The following ZNF629 variants were observed in gnomAD, a reference collection of about 807,000 sequenced individuals.
ZNF629 encodes DNA-binding protein.
ZNF629 carries 9 observed loss-of-function variants against 59.7 expected under a neutral mutation model. That is an observed-to-expected ratio of 0.15 (90% CI 0.09 to 0.26). The LOEUF (loss-of-function observed/expected upper bound fraction) is 0.26. ZNF629 is among the 10% of genes least tolerant of loss of function. The pLI is 1.00. For synonymous variants in ZNF629, 509 were observed against 498.9 expected (o/e 1.02, Z -0.27); for missense variants, 853 against 1,165.4 (o/e 0.73, Z 3.90).
At chr16:30,785,943 G>T (rs2054328254) in intron 1 of ZNF629, among the ~76,000 whole-genome samples, 1 of 152,074 alleles carries the variant, frequency 6.6e-6, no homozygotes, top group African/African-American at 2.4e-5. Context: ...CAGGATGAGG[G>T]AATGGGGCCA....
chr16:30,784,825 A>G (rs1047384611), intron 1 of ZNF629, among the ~76,000 whole-genome samples: 1 of 152,134 alleles, frequency 6.6e-6, no homozygotes, highest in Admixed American at 6.6e-5. Flanking sequence ...TCCACAGGGG[A>G]AGGAGTTTTT....
rs372950541 is a variant in ZNF629, at chr16:30,784,438, C to T, written c.45G>A (p.Pro15=). ...TGTGAGCATCGTTGGGGCTCTGTTC[C>T]GGACCCTGCAGATCCGGGCCCCACA... ...TALWGPDLQG[P]EQSPNDAHRG... The change falls in exon 2 of 3, where the codon CCG becomes CCA. Residue 15 remains proline, a synonymous_variant. Transcript: ENST00000262525. 3.2e-6 allele frequency: 5 copies of T among 1,567,162 alleles called. No individual in the cohort carries two copies. Among genetic ancestry groups the T allele is most frequent in the Non-Finnish European group, 3.5e-6 (4 of 1,158,576 alleles).
chr16:30,784,536 G>C, intron 1 of ZNF629, 21 bp from the exon 2 acceptor site: 2 of 1,484,936 alleles, frequency 1.3e-6, no homozygotes, highest in African/African-American at 1.4e-5. Context: ...AGACAGCGAT[G>C]AGCGCACACT....
chr16:30,784,170 G>T lies in ZNF629; in HGVS notation c.158C>A (p.Pro53Gln). The T allele has an allele frequency of 6.2e-7, 1 of 1,609,690 alleles. No homozygotes were observed. The change falls in exon 3 of 3, where the codon CCA becomes CAA. Residue 53 changes from proline to glutamine, a missense_variant. Transcript: ENST00000262525. ...EIIMGDPAQS[P>Q]ESKDSTEMSL... ...CATCTCTGTTGAGTCCTTGGATTCT[G>T]GACTCTGAGCCGGGTCTCCCATGAT...
chr16:30,782,490 TGAG>T lies in ZNF629; in HGVS notation c.1835_1837del (p.Pro612del), dbSNP rs761425455. ...GAAAGGGAGCCTTGGGGATCGTAAC[TGAG>T]GAGGTTTGGGGGCTGCGTGTGCGAT... On this transcript the variant is annotated inframe_deletion, in exon 3 of 3. Coordinates refer to ENST00000262525, the MANE Select transcript of ZNF629 (RefSeq NM_001080417.3). 1.8e-5 allele frequency: 28 copies of T among 1,566,782 alleles called. No homozygotes were observed. Among genetic ancestry groups the T allele is most frequent in the Admixed American group, 1.7e-4 (9 of 52,644 alleles).
chr16:30,784,443 C>G lies in ZNF629; in HGVS notation c.40G>C (p.Gly14Arg). ...GCATCGTTGGGGCTCTGTTCCGGACCCTGCAGATCCGGGCCCCACAGCGCA... is the reference window on the plus strand; with the variant it reads ...GCATCGTTGGGGCTCTGTTCCGGACGCTGCAGATCCGGGCCCCACAGCGCA... ...ETALWGPDLQ[G>R]PEQSPNDAHR... is the part of the protein sequence containing the mutation. Residue 14 changes from glycine (G) to arginine (R), a missense_variant, in exon 2 of 3, where the codon GGT (glycine) becomes CGT (arginine). By Grantham distance (125) the Gly-to-Arg change is moderately radical. Coordinates refer to ENST00000262525, the MANE Select transcript of ZNF629 (RefSeq NM_001080417.3). 1 of 1,566,102 alleles carries G rather than the reference C, an allele frequency of 6.4e-7. No individual in the cohort carries two copies.
At position 30,780,826 on chromosome 16, in the gene ZNF629, T is replaced by G. The variant is rs1445373759; in HGVS notation, c.*892A>C. 1 of 152,138 alleles carries G rather than the reference T, an allele frequency of 6.6e-6. No individual in the cohort carries two copies. Among genetic ancestry groups the G allele is most frequent in the African/African-American group, 2.4e-5 (1 of 41,430 alleles). The allele number at this position is 152,138 out of a possible 1,614,324, so 9.4% of individuals were successfully genotyped here. ...ATGTGAGCAGTTTCCCCACCTTGGT[T>G]TGCTCCCCTCAAAGCAATCTAACAG... is the stretch of plus-strand genomic sequence containing the variant. On this transcript the variant is annotated 3_prime_UTR_variant, in exon 3 of 3. Coordinates refer to ENST00000262525, the MANE Select transcript of ZNF629 (RefSeq NM_001080417.3).
intron 2 of ZNF629, 54 bp downstream of exon 2, chr16:30,784,356 C>T (rs2054312683): frequency 1.2e-5 from 18 of 1,545,328 alleles, no homozygotes; most frequent in Non-Finnish European, 1.6e-5. Flanking sequence ...AGGCCCCTCC[C>T]TGAGCCGGGA....
chr16:30,781,644 ATG>A lies in ZNF629; in HGVS notation c.*72_*73del, dbSNP rs2054281357. On this transcript the variant is annotated 3_prime_UTR_variant, in exon 3 of 3. Coordinates refer to ENST00000262525, the MANE Select transcript of ZNF629 (RefSeq NM_001080417.3). Reference sequence around the variant, plus strand: ...CTGATAGGGTTATCCTCCCTTCCCCATGTAATTTTTTTGGGGGAAAAAATCCA... The same window carrying A: ...CTGATAGGGTTATCCTCCCTTCCCCATAATTTTTTTGGGGGAAAAAATCCA... 1.4e-6 allele frequency: 2 copies of A among 1,402,246 alleles called. No homozygotes were observed. The highest frequency in any genetic ancestry group is 3.0e-5 in the South Asian group (2 of 67,744). 86.9% of individuals were successfully genotyped at this position (1,402,246 alleles called of 1,614,324 possible). A position where few individuals can be genotyped will look rare whatever the true frequency, so the allele number is the denominator to read the frequency against.
rs1388606392 is a variant in ZNF629, at chr16:30,786,685, A to G, written c.-34+343T>C. Among the ~76,000 whole-genome samples, 2 of 146,646 alleles carry G rather than the reference A, an allele frequency of 1.4e-5. No individual in the cohort carries two copies. The highest frequency in any genetic ancestry group is 5.1e-5 in the African/African-American group (2 of 39,112). ...CCGCGACCCCCGTCCCGCTGCTGAT[A>G]CAGAGCCTGGGCATCCGCCCCTGCC... is the stretch of plus-strand genomic sequence containing the variant. On this transcript the variant is annotated intron_variant, in intron 1 of 2. Transcript: ENST00000262525. The surrounding 1 kb of genome is among the most constrained non-coding windows in gnomAD (Gnocchi z 4.8).
chr16:30,781,857 C>T lies in ZNF629; in HGVS notation c.2471G>A (p.Ser824Asn), dbSNP rs1166574012. 1 of 1,587,866 alleles carries T rather than the reference C, an allele frequency of 6.3e-7. No individual in the cohort carries two copies. The highest frequency in any genetic ancestry group is 1.3e-5 in the African/African-American group (1 of 74,080). Reference sequence around the variant, plus strand: ...GTTTTGCCCTTCCCCATGGCTGCTGCTCTCTGTGGGGGTAGGGGTCTCGCC... The same window carrying T: ...GTTTTGCCCTTCCCCATGGCTGCTGTTCTCTGTGGGGGTAGGGGTCTCGCC... The part of the protein sequence containing the change: ...GEGETPTPTE[S>N]SSHGEGQNPK... Residue 824 changes from serine to asparagine, a missense_variant, in exon 3 of 3, where the codon AGC becomes AAC. Physicochemically the swap from Ser to Asn is conservative, Grantham distance 46. Transcript: ENST00000262525.
In ZNF629 at chr16:30,781,546, T is replaced by C. The variant is rs1272396669; in HGVS notation, c.*172A>G. 2 of 561,772 alleles carry C rather than the reference T, an allele frequency of 3.6e-6. No individual in the cohort carries two copies. Among genetic ancestry groups the C allele is most frequent in the Non-Finnish European group, 5.6e-6 (2 of 356,998 alleles). 34.8% of individuals were successfully genotyped at this position (561,772 alleles called of 1,614,324 possible). On this transcript the variant is annotated 3_prime_UTR_variant, in exon 3 of 3. Transcript: ENST00000262525. The stretch of plus-strand genomic sequence containing the variant: ...TATAAGTGCTTCCCACCAACAATTT[T>C]ATAGGGTTTCTCATCACTGATGTAA...
rs1473512825 is a variant in ZNF629, at chr16:30,783,503, C to T, written c.825G>A (p.Ser275=). ...GECRRAFYRS[S]DLIQHQATHT... is the part of the protein sequence containing the mutation. ...GGGTGGCCTGGTGCTGGATGAGGTC[C>T]GAGCTGCGGTAGAAAGCCCGGCGGC... The change falls in exon 3 of 3, where the codon TCG becomes TCA. Residue 275 remains serine, a synonymous_variant. Coordinates refer to ENST00000262525, the MANE Select transcript of ZNF629 (RefSeq NM_001080417.3). 1.9e-6 allele frequency: 3 copies of T among 1,612,618 alleles called. No homozygotes were observed. Among genetic ancestry groups the T allele is most frequent in the Middle Eastern group, 1.7e-4 (1 of 6,046 alleles).
In ZNF629 at chr16:30,782,731, G is replaced by A. The variant is rs2054295484; in HGVS notation, c.1597C>T (p.Arg533Trp). Reference protein sequence around the residue: ...FLEAHELEQHRVIHERGKTPA... With the variant: ...FLEAHELEQHWVIHERGKTPA... The stretch of plus-strand genomic sequence containing the variant: ...GTCTTCCCCCTCTCATGGATCACCC[G>A]GTGCTGCTCCAGCTCGTGGGCTTCC... The change falls in exon 3 of 3, where the codon CGG becomes TGG. Residue 533 changes from arginine to tryptophan, a missense_variant. This residue lies in a region of ZNF629 where 420 missense variants were observed against 435.6 expected (regional missense o/e 0.96). Coordinates refer to ENST00000262525, the MANE Select transcript of ZNF629 (RefSeq NM_001080417.3). The A allele has an allele frequency of 1.2e-5, 20 of 1,613,124 alleles. No individual in the cohort carries two copies. Among genetic ancestry groups the A allele is most frequent in the Non-Finnish European group, 1.6e-5 (19 of 1,179,826 alleles).
Position 30,780,154 on chromosome 16 carries a change from G to T in ZNF629, c.*1564C>A, listed in dbSNP as rs913280483. ...GAAGGTTTCTGGCTAAGGAGGAGAG[G>T]GGAGCCAAGTGAGTGGAATCCATCC... On this transcript the variant is annotated 3_prime_UTR_variant, in exon 3 of 3. Transcript: ENST00000262525. The T allele has an allele frequency of 6.6e-6, 1 of 152,626 alleles. No homozygotes were observed. Among genetic ancestry groups the T allele is most frequent in the Admixed American group, 6.5e-5 (1 of 15,268 alleles). The allele number at this position is 152,626 out of a possible 1,614,324, so 9.5% of individuals were successfully genotyped here. A position where few individuals can be genotyped will look rare whatever the true frequency, so the allele number is the denominator to read the frequency against.
At position 30,780,690 on chromosome 16, in the gene ZNF629, T is replaced by A. The variant is rs1159429212; in HGVS notation, c.*1028A>T. 6.6e-6 allele frequency: 1 copy of A among 152,390 alleles called. No individual in the cohort carries two copies. The highest frequency in any genetic ancestry group is 2.4e-5 in the African/African-American group (1 of 41,428). The allele number at this position is 152,390 out of a possible 1,614,324, so 9.4% of individuals were successfully genotyped here. A position where few individuals can be genotyped will look rare whatever the true frequency, so the allele number is the denominator to read the frequency against. ...CTGGCTGGGCAGGGAGAAAGGGTGG[T>A]CCTGCCTGGTGTGGGGAGAACCCTT... On this transcript the variant is annotated 3_prime_UTR_variant, in exon 3 of 3. Transcript: ENST00000262525.
At position 30,787,139 on chromosome 16, in the gene ZNF629, C is replaced by T. The variant is rs959826830; in HGVS notation, c.-145G>A. The T allele has an allele frequency of 1.3e-5, 2 of 152,940 alleles. No homozygotes were observed. The highest frequency in any genetic ancestry group is 1.9e-4 in the East Asian group (1 of 5,204). 9.5% of individuals were successfully genotyped at this position (152,940 alleles called of 1,614,324 possible). ...GGGCGCCGAGGACTCTGGGGTCCTT[C>T]TCAAGGGGTGATTCCAGGCTGAGGA... On this transcript the variant is annotated 5_prime_UTR_variant, in exon 1 of 3. Coordinates refer to ENST00000262525, the MANE Select transcript of ZNF629 (RefSeq NM_001080417.3).
At position 30,781,656 on chromosome 16, in the gene ZNF629, T is replaced by C; in HGVS notation, c.*62A>G. ...TCCTCCCTTCCCCATGTAATTTTTT[T>C]GGGGGAAAAAATCCAGTGTTCCTCT... On this transcript the variant is annotated 3_prime_UTR_variant, in exon 3 of 3. Transcript: ENST00000262525. The C allele has an allele frequency of 6.9e-7, 1 of 1,444,580 alleles. No individual in the cohort carries two copies. Among genetic ancestry groups the C allele is most frequent in the African/African-American group, 1.5e-5 (1 of 68,518 alleles). The allele number at this position is 1,444,580 out of a possible 1,614,324, so 89.5% of individuals were successfully genotyped here.
rs1230721172 is a variant in ZNF629 at position 30,782,666 on chromosome 16, G to A, written c.1662C>T (p.Leu554=). ...RRAQGDSLLG[L]GDPSLLTPPP... ...GCGGGGTCAGCAGGGAGGGGTCCCCGAGCCCCAGCAGGCTGTCGCCCTGGG... is the reference window on the plus strand; with the variant it reads ...GCGGGGTCAGCAGGGAGGGGTCCCCAAGCCCCAGCAGGCTGTCGCCCTGGG... The change falls in exon 3 of 3, where the codon CTC becomes CTT. Residue 554 remains leucine, a synonymous_variant. Transcript: ENST00000262525. 6.3e-7 allele frequency: 1 copy of A among 1,590,374 alleles called. No individual in the cohort carries two copies.
Sources: gnomAD v4.1 joint callset for allele counts (sites outside exome capture counted in the v4.1 genomes callset) on GRCh38, gnomAD v4.1.1 for gene constraint, gnomAD v4.1.1 regional missense constraint, Gnocchi (gnomAD v3.1) non-coding constraint, MANE v1.5 for transcripts, NCBI Gene and HGNC (gene_info 2026-07-23, HGNC 2026-07-21) for gene names.